The following SVOPL variants were observed in gnomAD, a reference collection of about 807,000 sequenced individuals.
The protein encoded by SVOPL is SVOP like.
A neutral mutation model predicts 61.0 loss-of-function variants in SVOPL; 60 were observed. The ratio of observed to expected loss-of-function variants is 0.98; its 90% CI spans 0.80 to 1.22. SVOPL has a LOEUF of 1.22. Among genes scored for constraint, SVOPL ranks in the 50% most tolerant of loss-of-function variants. SVOPL has a pLI of 0.00. For synonymous variants in SVOPL, 279 were observed against 250.0 expected (o/e 1.12, Z -1.09); for missense variants, 662 against 643.9 (o/e 1.03, Z -0.30).
chr7:138,657,174 T>G (rs1264264771), intron 6 of SVOPL, among the ~76,000 whole-genome samples: 1 of 125,778 alleles, frequency 8.0e-6, no homozygotes, highest in Non-Finnish European at 1.8e-5. Context: ...TTATTTATTT[T>G]AGAGACAAGG....
chr7:138,659,114 T>C (rs1801884458), intron 6 of SVOPL, among the ~76,000 whole-genome samples: 1 of 152,190 alleles, frequency 6.6e-6, no homozygotes, highest in South Asian at 2.1e-4. Context: ...ATTTGCATGA[T>C]AAAACCTTGG....
chr7:138,603,667 G>A (rs1355553143), intron 14 of SVOPL, among the ~76,000 whole-genome samples: 1 of 152,122 alleles, frequency 6.6e-6, no homozygotes, highest in East Asian at 1.9e-4. Context: ...GTGAGACTCT[G>A]TCTAAAAAAC....
Position 138,649,007 on chromosome 7 carries a change from C to A in SVOPL, c.660+5G>T. 1 of 1,613,688 alleles carries A rather than the reference C, an allele frequency of 6.2e-7. No individual in the cohort carries two copies. On this transcript the variant is annotated splice_donor_5th_base_variant and intron_variant, in intron 8 of 15. Coordinates refer to ENST00000674285, the MANE Select transcript of SVOPL (RefSeq NM_001139456.2). ...GACAGGAAGGAGCCACAAGTGCTTC[C>A]CCACCTTGAAGGCCACGATGAGGAT...
chr7:138,661,337 T>A (rs1801990535), intron 5 of SVOPL: 4 of 985,440 alleles, frequency 4.1e-6, no homozygotes, highest in Non-Finnish European at 3.6e-6. Flanking sequence ...TGCTTATGTT[T>A]ATACCTGCAA....
chr7:138,648,911 G>T, intron 8 of SVOPL, 101 bp downstream of exon 8: 2 of 1,537,972 alleles, frequency 1.3e-6, no homozygotes, highest in South Asian at 1.3e-5. Flanking sequence ...AACAAAGAGA[G>T]ACTCTGTCTC....
At position 138,660,313 on chromosome 7, in the gene SVOPL, G is replaced by C. The variant is rs996237519; in HGVS notation, c.346-325C>G. ...CTCACAGGGCTGCTGGGGACGTAAT[G>C]AGGCAGTATGTTGGGAGGAGTACAA... On this transcript the variant is annotated intron_variant, in intron 5 of 15. Transcript: ENST00000674285. 2.8e-6 allele frequency: 3 copies of C among 1,061,814 alleles called. No individual in the cohort carries two copies. The African/African-American group carries it at 5.0e-5, about 18-fold the overall frequency. 65.8% of individuals were successfully genotyped at this position (1,061,814 alleles called of 1,614,324 possible). A position where few individuals can be genotyped will look rare whatever the true frequency, so the allele number is the denominator to read the frequency against.
intron 14 of SVOPL, among the ~76,000 whole-genome samples, chr7:138,603,397 A>T (rs1056802138): frequency 8.5e-5 from 13 of 152,172 alleles, no homozygotes; most frequent in African/African-American, 3.1e-4. Context: ...AGATCAGCTA[A>T]AGCAGGCCGG....
Position 138,596,424 on chromosome 7 carries a change from G to T in SVOPL, c.1460C>A (p.Ala487Asp). 1 of 1,613,746 alleles carries T rather than the reference G, an allele frequency of 6.2e-7. No homozygotes were observed. Among genetic ancestry groups the T allele is most frequent in the Non-Finnish European group, 8.5e-7 (1 of 1,179,814 alleles). ...GTTCCCTGCATCACTCACCTGGAGG[G>T]CCCGTCCTTTGGTTTCGATGGGGAG... ...FTLPIETKGR[A>D]LQQIK Residue 487 changes from alanine (A) to aspartate (D), a missense_variant, in exon 15 of 16, where the codon GCC becomes GAC. By Grantham distance (126) the Ala-to-Asp change is moderately radical (BLOSUM62 -2). Transcript: ENST00000674285.
intron 7 of SVOPL, among the ~76,000 whole-genome samples, chr7:138,652,426 A>G (rs1246733406): frequency 6.6e-6 from 1 of 151,610 alleles, no homozygotes; most frequent in African/African-American, 2.4e-5. Context: ...GCCTCAAGCA[A>G]TCCTCCCACC....
intron 4 of SVOPL, among the ~76,000 whole-genome samples, chr7:138,669,100 G>A (rs1292685748): frequency 6.6e-6 from 1 of 152,168 alleles, no homozygotes; most frequent in Non-Finnish European, 1.5e-5. Flanking sequence ...TCGCCCTCAA[G>A]CACAGGGAAG....
intron 1 of SVOPL, among the ~76,000 whole-genome samples, chr7:138,684,061 G>T (rs550833414): frequency 6.6e-6 from 1 of 150,754 alleles, no homozygotes; most frequent in African/African-American, 2.4e-5. Flanking sequence ...TCGGCAGGGG[G>T]GCAGGTGGCA....
chr7:138,596,830 G>T, intron 14 of SVOPL: 1 of 1,111,024 alleles, frequency 9.0e-7, no homozygotes, highest in Non-Finnish European at 1.1e-6. Context: ...TGGGGGATCT[G>T]CCCGTTTCCC....
At chr7:138,666,844 C>T (rs975254390) in intron 4 of SVOPL, among the ~76,000 whole-genome samples, 10 of 152,164 alleles carry the variant, frequency 6.6e-5, no homozygotes, top group Admixed American at 5.9e-4. Flanking sequence ...TATAGCTTTG[C>T]CCCCAAACCT....
chr7:138,662,841 C>A, intron 5 of SVOPL: 1 of 1,376,756 alleles, frequency 7.3e-7, no homozygotes, highest in Non-Finnish European at 9.4e-7. Flanking sequence ...CTATAATACC[C>A]GCATCTCCTT....
intron 14 of SVOPL, among the ~76,000 whole-genome samples, chr7:138,602,116 G>A (rs1798548743): frequency 6.6e-6 from 1 of 152,086 alleles, no homozygotes; most frequent in South Asian, 2.1e-4. Context: ...GCTGAGGTGG[G>A]AGGATCACTT....
chr7:138,626,688 T>C (rs1054272433), intron 12 of SVOPL, among the ~76,000 whole-genome samples: 1 of 152,012 alleles, frequency 6.6e-6, no homozygotes, highest in African/African-American at 2.4e-5. Flanking sequence ...TCACCAAATT[T>C]TTTTTCAATT....
At chr7:138,616,809 CAG>C (rs933752248) in intron 14 of SVOPL, among the ~76,000 whole-genome samples, 44 of 152,104 alleles carry the variant, frequency 2.9e-4, no homozygotes, top group African/African-American at 1.1e-3. Context: ...TTATTTATGA[CAG>C]AGTCTTACTC....
intron 14 of SVOPL, chr7:138,597,144 T>C (rs1432460715): frequency 3.1e-6 from 4 of 1,286,442 alleles, no homozygotes; most frequent in South Asian, 2.5e-5. Flanking sequence ...GTAATTCAGA[T>C]ACTCCATCTC....
In SVOPL at chr7:138,626,025, T is replaced by A. The variant is rs773402162; in HGVS notation, c.1207A>T (p.Met403Leu). Residue 403 changes from methionine to leucine, a missense_variant, in exon 13 of 16, where the codon ATG (methionine) becomes TTG (leucine). Coordinates refer to ENST00000674285, the MANE Select transcript of SVOPL (RefSeq NM_001139456.2). ...SSAGLIGFLF[M>L]LRALVAANFN... Reference sequence around the variant, plus strand: ...TTTGCAGCTACCAGAGCCCTCAGCATGAAGAGGAAGCCAATCAGGCCGGCA... The same window carrying A: ...TTTGCAGCTACCAGAGCCCTCAGCAAGAAGAGGAAGCCAATCAGGCCGGCA... 2 of 1,613,814 alleles carry A rather than the reference T, an allele frequency of 1.2e-6. No individual in the cohort carries two copies. The highest frequency in any genetic ancestry group is 1.7e-6 in the Non-Finnish European group (2 of 1,179,988).
Sources: gnomAD v4.1 joint callset for allele counts (sites outside exome capture counted in the v4.1 genomes callset) on GRCh38, gnomAD v4.1.1 for gene constraint, MANE v1.5 for transcripts, NCBI Gene and HGNC (gene_info 2026-07-23, HGNC 2026-07-21) for gene names.